The following MME variants were observed in gnomAD, a reference collection of about 807,000 sequenced individuals.
The protein encoded by MME is neprilysin.
In MME, 98 loss-of-function variants were observed where a neutral mutation model predicts 113.2. That is an observed-to-expected ratio of 0.87 (90% CI 0.74 to 1.02). The LOEUF is 1.02. Among genes scored for constraint, MME ranks in the 50% least tolerant of loss-of-function variants. The pLI, the probability that MME is intolerant of heterozygous loss-of-function variation, is 0.00. For synonymous variants in MME, 292 were observed against 300.6 expected (o/e 0.97, Z 0.30); for missense variants, 836 against 896.0 (o/e 0.93, Z 0.86).
intron 8 of MME, among the ~76,000 whole-genome samples, chr3:155,131,429 G>T (rs1485786379): frequency 6.6e-6 from 1 of 152,054 alleles, no homozygotes; most frequent in East Asian, 1.9e-4. Context: ...GTCCTTTCTG[G>T]GTACCAAGTG....
At chr3:155,122,178 C>A (rs1719207109) in intron 8 of MME, among the ~76,000 whole-genome samples, 1 of 149,812 alleles carries the variant, frequency 6.7e-6, no homozygotes, top group African/African-American at 2.4e-5. Context: ...TTATCCATTT[C>A]TTCTAGATTT....
intron 3 of MME, among the ~76,000 whole-genome samples, chr3:155,104,693 T>C (rs1287411738): frequency 6.6e-6 from 1 of 152,224 alleles, no homozygotes; most frequent in Non-Finnish European, 1.5e-5. Context: ...TCTTCAGAGA[T>C]GTCTGCCAGG....
At chr3:155,171,103 A>G (rs890709282) in intron 20 of MME, among the ~76,000 whole-genome samples, 6 of 152,198 alleles carry the variant, frequency 3.9e-5, no homozygotes, top group Admixed American at 3.3e-4. Context: ...AATCCAGCCA[A>G]AGTTGGGATT....
At chr3:155,118,659 C>A in intron 7 of MME, 87 bp from the exon 8 acceptor site, 1 of 867,312 alleles carries the variant, frequency 1.2e-6, no homozygotes, top group South Asian at 1.5e-5. Flanking sequence ...TAGGATCTTT[C>A]ACATACATAG....
chr3:155,168,921 GA>G (rs1204279749), intron 20 of MME, 124 bp downstream of exon 20: 10 of 788,924 alleles, frequency 1.3e-5, no homozygotes, highest in African/African-American at 5.3e-5. Flanking sequence ...ATAGAAAATG[GA>G]AAAAAATATG....
In MME at chr3:155,084,195, A is replaced by G. The variant is rs1715436331; in HGVS notation, c.28A>G (p.Ile10Val). MGKSESQMD[I>V]TDINTPKPKK... ...GGGCAAGTCAGAAAGTCAGATGGAT[A>G]TAACTGATATCAACACTCCAAAGCC... Residue 10 changes from isoleucine (I) to valine (V), a missense_variant, in exon 2 of 23, where the codon ATA (isoleucine) becomes GTA (valine). Physicochemically the swap from Ile to Val is conservative, Grantham distance 29. Transcript: ENST00000360490. The G allele has an allele frequency of 6.2e-7, 1 of 1,614,138 alleles. No homozygotes were observed. The highest frequency in any genetic ancestry group is 8.5e-7 in the Non-Finnish European group (1 of 1,179,988).
At chr3:155,156,798 A>G (rs558164018) in intron 16 of MME, among the ~76,000 whole-genome samples, 4 of 152,244 alleles carry the variant, frequency 2.6e-5, no homozygotes, top group African/African-American at 9.6e-5. Flanking sequence ...CTTTGAGACT[A>G]CTAAATGCTG....
At chr3:155,154,768 T>C (rs1722191808) in intron 16 of MME, among the ~76,000 whole-genome samples, 1 of 152,128 alleles carries the variant, frequency 6.6e-6, no homozygotes, top group Admixed American at 6.5e-5. Flanking sequence ...ATTATATGGG[T>C]AAATATGATG....
chr3:155,036,514 T>C (rs1713133178), intron 1 of MME, among the ~76,000 whole-genome samples: 2 of 152,178 alleles, frequency 1.3e-5, no homozygotes, highest in African/African-American at 4.8e-5. Flanking sequence ...TTCATATACA[T>C]GTGATCATAC....
At chr3:155,161,905 GA>G (rs902558594) in intron 17 of MME, among the ~76,000 whole-genome samples, 1 of 152,102 alleles carries the variant, frequency 6.6e-6, no homozygotes, top group African/African-American at 2.4e-5. Flanking sequence ...TATATTATTT[GA>G]AACCATTCAA....
At chr3:155,051,417 A>C (rs949720740) in intron 1 of MME, among the ~76,000 whole-genome samples, 2 of 152,178 alleles carry the variant, frequency 1.3e-5, no homozygotes, top group African/African-American at 4.8e-5. Flanking sequence ...ACATACCTGA[A>C]ACTGGGTAAT....
At chr3:155,049,237 T>A (rs1713670410) in intron 1 of MME, among the ~76,000 whole-genome samples, 1 of 152,088 alleles carries the variant, frequency 6.6e-6, no homozygotes, top group African/African-American at 2.4e-5. Flanking sequence ...TTTAAGATAA[T>A]AATTGAGATA....
chr3:155,062,332 A>G (rs1714178101), intron 1 of MME, among the ~76,000 whole-genome samples: 1 of 152,084 alleles, frequency 6.6e-6, no homozygotes, highest in Non-Finnish European at 1.5e-5. Context: ...GTTTATCTTT[A>G]TCCTTCAAAA....
intron 1 of MME, among the ~76,000 whole-genome samples, chr3:155,073,794 C>CT (rs1422723089): frequency 6.6e-5 from 10 of 151,936 alleles, no homozygotes; most frequent in African/African-American, 1.7e-4. Context: ...GCCTATCTGT[C>CT]TATCTATCTA....
chr3:155,073,176 GC>G (rs1714637535), intron 1 of MME, among the ~76,000 whole-genome samples: 1 of 152,164 alleles, frequency 6.6e-6, no homozygotes, highest in African/African-American at 2.4e-5. Flanking sequence ...GGATCTACTA[GC>G]CAGGGATCTG....
intron 8 of MME, among the ~76,000 whole-genome samples, chr3:155,134,268 G>A (rs1211650447): frequency 6.6e-6 from 1 of 151,892 alleles, no homozygotes; most frequent in Non-Finnish European, 1.5e-5. Context: ...AATAGTTAGT[G>A]TTTCAACCCT....
At chr3:155,105,146 T>C (rs1018506000) in intron 3 of MME, among the ~76,000 whole-genome samples, 1 of 152,150 alleles carries the variant, frequency 6.6e-6, no homozygotes, top group Non-Finnish European at 1.5e-5. Context: ...ATTTCACTAA[T>C]TTCGGGAGTG....
chr3:155,072,078 A>G (rs59116615), intron 1 of MME, among the ~76,000 whole-genome samples: 11,663 of 147,946 alleles, frequency 0.079, 927 homozygotes, highest in African/African-American at 0.2. Flanking sequence ...GGAGAATGGC[A>G]TGAACCCGGG....
chr3:155,169,930 G>A (rs1711726032), intron 20 of MME, among the ~76,000 whole-genome samples: 1 of 152,192 alleles, frequency 6.6e-6, no homozygotes, highest in Non-Finnish European at 1.5e-5. Context: ...AAGCTTGGGA[G>A]ATTAAGTCAG....
Sources: allele counts gnomAD v4.1 joint callset (sites outside exome capture counted in the v4.1 genomes callset), GRCh38; gene constraint gnomAD v4.1.1; transcripts MANE v1.5; gene names NCBI Gene and HGNC (gene_info 2026-07-23, HGNC 2026-07-21).